BABAM2: variants seen among roughly 807,000 people sequenced by gnomAD.
The protein encoded by BABAM2 is BRISC and BRCA1-A complex member 2.
A neutral mutation model predicts 54.7 loss-of-function variants in BABAM2; 31 were observed. That is an observed-to-expected ratio of 0.57 (90% CI 0.43 to 0.77). BABAM2 has a LOEUF of 0.77. Among genes scored for constraint, BABAM2 ranks in the 30% least tolerant of loss-of-function variants. BABAM2 has a pLI of 0.00. For missense variants in BABAM2, 364 were observed against 455.8 expected (o/e 0.80, Z 1.83); for synonymous variants, 167 against 162.9 (o/e 1.03, Z -0.19).
chr2:28,312,487 AT>A (rs1689168281), intron 11 of BABAM2, among the ~76,000 whole-genome samples: 1 of 152,204 alleles, frequency 6.6e-6, no homozygotes, highest in Non-Finnish European at 1.5e-5. Context: ...ACTCCTTGAG[AT>A]TCCATTCTGA....
rs986659976 is a variant in BABAM2, at chr2:28,167,693, CAAAAAAAT to C, written c.680+38317_680+38324del. On this transcript the variant is annotated intron_variant, in intron 7 of 11. Coordinates refer to ENST00000379624, the MANE Select transcript of BABAM2 (RefSeq NM_199191.3). The stretch of plus-strand genomic sequence containing the variant: ...TGGGCGACAGAGCGAGACTCCATCT[CAAAAAAAT>C]AAATAAATAAATAAATAAATAAATA... Among the ~76,000 whole-genome samples, 17 of 103,882 alleles carry C rather than the reference CAAAAAAAT, an allele frequency of 1.6e-4. No homozygotes were observed. The South Asian group carries it at 4.5e-3, about 27-fold the overall frequency. The allele number at this position is 103,882 out of a possible 152,430, so 68.2% of individuals were successfully genotyped here. A position where few individuals can be genotyped will look rare whatever the true frequency, so the allele number is the denominator to read the frequency against.
At chr2:28,267,163 A>G (rs1685051708) in intron 10 of BABAM2, among the ~76,000 whole-genome samples, 1 of 152,178 alleles carries the variant, frequency 6.6e-6, no homozygotes, top group Non-Finnish European at 1.5e-5. Context: ...TCTCCAAAAA[A>G]GAAGGAAAGA....
At chr2:27,972,966 T>C (rs1046494583) in intron 3 of BABAM2, among the ~76,000 whole-genome samples, 27 of 151,680 alleles carry the variant, frequency 1.8e-4, no homozygotes, top group African/African-American at 6.1e-4. Flanking sequence ...TGGGATTTCA[T>C]CATGTTGGCC....
intron 7 of BABAM2, among the ~76,000 whole-genome samples, chr2:28,235,303 A>G (rs1262865901): frequency 2.0e-5 from 3 of 152,124 alleles, no homozygotes; most frequent in Admixed American, 6.5e-5. Context: ...CAGCCTCCCA[A>G]GTAGCTGGGA....
chr2:27,962,323 C>T (rs1282788057), intron 3 of BABAM2, among the ~76,000 whole-genome samples: 1 of 152,070 alleles, frequency 6.6e-6, no homozygotes, highest in African/African-American at 2.4e-5. Flanking sequence ...CTAGGGTGGT[C>T]TCTAACTCCT....
intron 10 of BABAM2, among the ~76,000 whole-genome samples, chr2:28,264,199 G>A (rs1684782159): frequency 1.3e-5 from 2 of 152,108 alleles, no homozygotes; most frequent in South Asian, 2.1e-4. Context: ...GATGGGGTTT[G>A]CCTTTTTTAT....
chr2:28,226,023 G>T (rs191636104), intron 7 of BABAM2, among the ~76,000 whole-genome samples: 1 of 152,042 alleles, frequency 6.6e-6, no homozygotes, highest in South Asian at 2.1e-4. Flanking sequence ...AGCTAAGAAT[G>T]ACTTTTACAT....
At chr2:27,906,758 G>A (rs754376305) in intron 2 of BABAM2, among the ~76,000 whole-genome samples, 1 of 152,000 alleles carries the variant, frequency 6.6e-6, no homozygotes, top group Admixed American at 6.6e-5. Context: ...AAGAAAAGTG[G>A]GTAGAAAATT....
At chr2:27,989,467 G>A (rs770914442) in intron 4 of BABAM2, among the ~76,000 whole-genome samples, 3 of 152,210 alleles carry the variant, frequency 2.0e-5, no homozygotes, top group Non-Finnish European at 2.9e-5. Flanking sequence ...CACATTGGAA[G>A]TAGCTAGGAT....
intron 7 of BABAM2, among the ~76,000 whole-genome samples, chr2:28,166,515 A>G (rs1573732055): frequency 6.6e-6 from 1 of 152,152 alleles, no homozygotes; most frequent in Admixed American, 6.5e-5. Flanking sequence ...TGTGCCCTGG[A>G]TGGCTGCATC....
At chr2:28,164,996 T>C (rs1421844894) in intron 7 of BABAM2, among the ~76,000 whole-genome samples, 2 of 152,204 alleles carry the variant, frequency 1.3e-5, no homozygotes, top group Non-Finnish European at 2.9e-5. Context: ...TATTGGTTTG[T>C]TCATGTTTTC....
At chr2:28,165,859 A>G (rs1673618982) in intron 7 of BABAM2, among the ~76,000 whole-genome samples, 3 of 152,176 alleles carry the variant, frequency 2.0e-5, no homozygotes, top group Non-Finnish European at 2.9e-5. Flanking sequence ...TTAAGCAGAG[A>G]AAATGCTTTG....
At chr2:28,024,299 G>A (rs1162884742) in intron 4 of BABAM2, among the ~76,000 whole-genome samples, 3 of 151,948 alleles carry the variant, frequency 2.0e-5, no homozygotes, top group Non-Finnish European at 4.4e-5. Flanking sequence ...CCAGCTACTC[G>A]GGAGACTGAG....
intron 10 of BABAM2, among the ~76,000 whole-genome samples, chr2:28,271,405 C>T (rs1685420250): frequency 6.6e-6 from 1 of 151,152 alleles, no homozygotes; most frequent in Admixed American, 6.6e-5. Context: ...AACATGATTT[C>T]CTCTCCTCGT....
chr2:27,915,242 G>C (rs576909896), intron 2 of BABAM2, among the ~76,000 whole-genome samples: 25 of 152,182 alleles, frequency 1.6e-4, no homozygotes, highest in African/African-American at 5.5e-4. Context: ...TGAAGTAAAG[G>C]GTTTAAGGAA....
intron 6 of BABAM2, among the ~76,000 whole-genome samples, chr2:28,071,183 C>T (rs985349197): frequency 2.0e-5 from 3 of 152,180 alleles, no homozygotes; most frequent in African/African-American, 4.8e-5. Context: ...TCTTCATCAC[C>T]GAGCTGCCCC....
intron 4 of BABAM2, among the ~76,000 whole-genome samples, chr2:28,019,465 T>C (rs1675097499): frequency 1.3e-5 from 2 of 152,226 alleles, no homozygotes; most frequent in Non-Finnish European, 2.9e-5. Flanking sequence ...CTGCTGATAG[T>C]TTCTTTTGCT....
intron 3 of BABAM2, among the ~76,000 whole-genome samples, chr2:27,973,045 G>A (rs1386100155): frequency 6.6e-6 from 1 of 151,866 alleles, no homozygotes; most frequent in Non-Finnish European, 1.5e-5. Flanking sequence ...TAGGATTACA[G>A]TCATGAGCCA....
At chr2:28,189,946 A>G (rs1048318263) in intron 7 of BABAM2, among the ~76,000 whole-genome samples, 7 of 152,242 alleles carry the variant, frequency 4.6e-5, no homozygotes, top group Admixed American at 2.0e-4. Context: ...AGAAAAATAG[A>G]TAAATGAAAC....
Sources: allele counts gnomAD v4.1 joint callset (sites outside exome capture counted in the v4.1 genomes callset), GRCh38; gene constraint gnomAD v4.1.1; transcripts MANE v1.5; gene names NCBI Gene and HGNC (gene_info 2026-07-23, HGNC 2026-07-21).